VPS18: variants seen among roughly 807,000 people sequenced by gnomAD.
VPS18 encodes VPS18 core subunit of CORVET and HOPS complexes.
Under a neutral mutation model 82.0 loss-of-function variants are expected in VPS18, and 25 were observed. The observed-to-expected ratio is 0.30, with a 90% CI of 0.22 to 0.43. The LOEUF is 0.43. Ranked by LOEUF, VPS18 falls within the 20% of genes least tolerant of loss-of-function variation. VPS18 has a pLI of 1.00. For missense variants in VPS18, 1,168 were observed against 1,311.1 expected (o/e 0.89, Z 1.69); for synonymous variants, 523 against 543.0 (o/e 0.96, Z 0.51).
chr15:40,898,565 G>GTATCATCAAAAAA, intron 2 of VPS18: 1 of 335,580 alleles, frequency 3.0e-6, no homozygotes, highest in Non-Finnish European at 5.7e-6. Context: ...TCTGCCTCCC[G>GTATCATCAAAAAA]GGCTCAGGTG....
rs995268685 is a variant in VPS18 at position 40,899,079 on chromosome 15, G to T, written c.326-65G>T. On this transcript the variant is annotated intron_variant, in intron 3 of 4. Coordinates refer to ENST00000220509, the MANE Select transcript of VPS18 (RefSeq NM_020857.3). This position sits in a 1 kb window ranked among gnomAD's most constrained non-coding sequence, Gnocchi z 4.4. ...GGTGGGCTCTGAGGGTGGTGTGGGG[G>T]CCAGGAGGAGGCTGAGGATGGGAAC... is the stretch of plus-strand genomic sequence containing the variant. 1.9e-6 allele frequency: 3 copies of T among 1,604,872 alleles called. No homozygotes were observed. The highest frequency in any genetic ancestry group is 1.7e-5 in the Admixed American group (1 of 59,792).
In VPS18 at chr15:40,894,761, C is replaced by T. The variant is rs1291034854; in HGVS notation, c.-8C>T. On this transcript the variant is annotated 5_prime_UTR_variant, in exon 1 of 5. Transcript: ENST00000220509. Reference sequence around the variant, plus strand: ...GGCCCCGGACAAAGAGCCCAGAGGCCGGGCACCATGGCGTCCATCCTGGAT... The same window carrying T: ...GGCCCCGGACAAAGAGCCCAGAGGCTGGGCACCATGGCGTCCATCCTGGAT... 3.2e-6 allele frequency: 5 copies of T among 1,546,134 alleles called. No homozygotes were observed. Among genetic ancestry groups the T allele is most frequent in the Non-Finnish European group, 4.4e-6 (5 of 1,144,426 alleles).
intron 4 of VPS18, 107 bp downstream of exon 4, chr15:40,901,121 G>A: frequency 8.6e-7 from 1 of 1,167,560 alleles, no homozygotes; most frequent in Non-Finnish European, 1.2e-6. Context: ...GGCTTCCCTT[G>A]CAGAGAGGGA....
rs79536497 is a variant in VPS18, at chr15:40,900,342, C to G, written c.1524C>G (p.Gly508=). Residue 508 remains glycine (G), a synonymous_variant, in exon 4 of 5, where the codon GGC becomes GGG. Coordinates refer to ENST00000220509, the MANE Select transcript of VPS18 (RefSeq NM_020857.3). This position sits in a 1 kb window ranked among gnomAD's most constrained non-coding sequence, Gnocchi z 5.4. The stretch of plus-strand genomic sequence containing the variant: ...TGAGCCGGCTTGGGGCTCTGCAGGG[C>G]GACCCAGAGGCCCTGACTCTCTACC... The part of the protein sequence containing the change: ...LYLSRLGALQ[G]DPEALTLYRE... The G allele has an allele frequency of 6.2e-7, 1 of 1,613,592 alleles. No homozygotes were observed. The highest frequency in any genetic ancestry group is 2.2e-5 in the East Asian group (1 of 44,870).
chr15:40,901,118 C>A, intron 4 of VPS18, 104 bp downstream of exon 4: 1 of 1,257,894 alleles, frequency 7.9e-7, no homozygotes, highest in African/African-American at 1.5e-5. Context: ...GCTGGCTTCC[C>A]TTGCAGAGAG....
intron 2 of VPS18, 129 bp from the exon 3 acceptor site, chr15:40,898,778 C>A: frequency 9.7e-7 from 1 of 1,031,148 alleles, no homozygotes; most frequent in Non-Finnish European, 1.4e-6. Flanking sequence ...GGCCTGTATT[C>A]AGCATTTTAT....
rs1475603424 is a variant in VPS18 at position 40,894,667 on chromosome 15, G to T, written c.-102G>T. The T allele has an allele frequency of 4.5e-6, 5 of 1,122,798 alleles. No homozygotes were observed. Among genetic ancestry groups the T allele is most frequent in the Non-Finnish European group, 6.2e-6 (5 of 806,328 alleles). The allele number at this position is 1,122,798 out of a possible 1,614,324, so 69.6% of individuals were successfully genotyped here. ...TGCAGGTTCCCAGGATCTGTCAGAG[G>T]CTGGGGAGTTACAGCTTCCATTCTG... On this transcript the variant is annotated 5_prime_UTR_variant, in exon 1 of 5. Transcript: ENST00000220509.
intron 1 of VPS18, 51 bp downstream of exon 1, chr15:40,894,910 G>A (rs1335145446): frequency 1.3e-6 from 2 of 1,516,534 alleles, no homozygotes; most frequent in South Asian, 1.2e-5. Flanking sequence ...TAGCATTTGC[G>A]TGGGAGCAGC....
rs1404450280 is a variant in VPS18 at position 40,898,992 on chromosome 15, C to T, written c.319C>T (p.His107Tyr). Reference sequence around the variant, plus strand: ...AAAAGTTCACAAGATGTTCCTTGACCATACTGGTAAGTAACAGTGGAGATC... The same window carrying T: ...AAAAGTTCACAAGATGTTCCTTGACTATACTGGTAAGTAACAGTGGAGATC... ...DAKVHKMFLD[H>Y]TGSHLLIALS... Residue 107 changes from histidine to tyrosine, a missense_variant, in exon 3 of 5, where the codon CAT (histidine) becomes TAT (tyrosine). This residue lies in a region of VPS18 where 868 missense variants were observed against 939.8 expected (regional missense o/e 0.92). Coordinates refer to ENST00000220509, the MANE Select transcript of VPS18 (RefSeq NM_020857.3). 1.2e-6 allele frequency: 2 copies of T among 1,613,928 alleles called. No homozygotes were observed. Among genetic ancestry groups the T allele is most frequent in the Non-Finnish European group, 8.5e-7 (1 of 1,180,004 alleles).
In VPS18 at chr15:40,903,154, C is replaced by G. The variant is rs902465107; in HGVS notation, c.2735C>G (p.Ser912Cys). 2 of 1,606,128 alleles carry G rather than the reference C, an allele frequency of 1.2e-6. No individual in the cohort carries two copies. The highest frequency in any genetic ancestry group is 1.3e-5 in the African/African-American group (1 of 74,880). The change falls in exon 5 of 5, where the codon TCT (serine) becomes TGT (cysteine). Residue 912 changes from serine to cysteine, a missense_variant. Coordinates refer to ENST00000220509, the MANE Select transcript of VPS18 (RefSeq NM_020857.3). The stretch of plus-strand genomic sequence containing the variant: ...GCTGCTCCACCCCCAGCCAAGGGCT[C>G]TGCCCGGGCCAAGGAGGCCGAGGGT... The part of the protein sequence containing the change: ...LGAAPPPAKG[S>C]ARAKEAEGGA...
At chr15:40,895,907 A>G in intron 1 of VPS18, 31 bp from the exon 2 acceptor site, 3 of 1,613,654 alleles carry the variant, frequency 1.9e-6, no homozygotes, top group Non-Finnish European at 2.5e-6. Flanking sequence ...TCTCTTCCAC[A>G]GCTAATCTTC....
At position 40,894,767 on chromosome 15, in the gene VPS18, C is replaced by A; in HGVS notation, c.-2C>A. 1 of 1,547,826 alleles carries A rather than the reference C, an allele frequency of 6.5e-7. No individual in the cohort carries two copies. Among genetic ancestry groups the A allele is most frequent in the Non-Finnish European group, 8.7e-7 (1 of 1,145,262 alleles). Reference sequence around the variant, plus strand: ...GGACAAAGAGCCCAGAGGCCGGGCACCATGGCGTCCATCCTGGATGAGTAC... The same window carrying A: ...GGACAAAGAGCCCAGAGGCCGGGCAACATGGCGTCCATCCTGGATGAGTAC... On this transcript the variant is annotated 5_prime_UTR_variant, in exon 1 of 5. Coordinates refer to ENST00000220509, the MANE Select transcript of VPS18 (RefSeq NM_020857.3).
chr15:40,898,666 T>A (rs1390452262), intron 2 of VPS18: 5 of 543,248 alleles, frequency 9.2e-6, no homozygotes, highest in African/African-American at 1.9e-5. Context: ...AGAGATGGGA[T>A]TTCGCCATGT....
chr15:40,899,667 C>T lies in VPS18; in HGVS notation c.849C>T (p.Ala283=). 6.2e-7 allele frequency: 1 copy of T among 1,613,766 alleles called. No homozygotes were observed. Among genetic ancestry groups the T allele is most frequent in the Non-Finnish European group, 8.5e-7 (1 of 1,180,034 alleles). Residue 283 remains alanine (A), a synonymous_variant, in exon 4 of 5, where the codon GCC becomes GCT. Coordinates refer to ENST00000220509, the MANE Select transcript of VPS18 (RefSeq NM_020857.3). The surrounding 1 kb of genome is among the most constrained non-coding windows in gnomAD (Gnocchi z 4.4). The part of the protein sequence containing the change: ...YTPKLRSAPR[A]FAWMMGDGVL... The stretch of plus-strand genomic sequence containing the variant: ...CCAAGCTGCGCTCCGCACCCCGGGC[C>T]TTCGCCTGGATGATGGGGGATGGTG...
At chr15:40,896,266 T>A (rs1596173560) in intron 2 of VPS18, among the ~76,000 whole-genome samples, 187 bp downstream of exon 2, 1 of 152,174 alleles carries the variant, frequency 6.6e-6, no homozygotes, top group Non-Finnish European at 1.5e-5. Flanking sequence ...TGGCAGGGCA[T>A]GGTGGCTCAC....
Position 40,899,225 on chromosome 15 carries a change from G to A in VPS18, c.407G>A (p.Arg136His). ...GGACAGAAGGTACGGCCACTAGCACGCTGGAAGGGGCAGCTGGTGGAGAGT... is the reference window on the plus strand; with the variant it reads ...GGACAGAAGGTACGGCCACTAGCACACTGGAAGGGGCAGCTGGTGGAGAGT... ...RNGQKVRPLA[R>H]WKGQLVESVG... Residue 136 changes from arginine (R) to histidine (H), a missense_variant, in exon 4 of 5, where the codon CGC (arginine) becomes CAC (histidine). By Grantham distance (29) the Arg-to-His change is conservative (BLOSUM62 0). This residue lies in a region of VPS18 where 868 missense variants were observed against 939.8 expected (regional missense o/e 0.92). Transcript: ENST00000220509. The surrounding 1 kb of genome is among the most constrained non-coding windows in gnomAD (Gnocchi z 4.4). 2 of 1,614,238 alleles carry A rather than the reference G, an allele frequency of 1.2e-6. No homozygotes were observed. Among genetic ancestry groups the A allele is most frequent in the Non-Finnish European group, 1.7e-6 (2 of 1,180,050 alleles).
chr15:40,899,247 G>A lies in VPS18; in HGVS notation c.429G>A (p.Glu143=). ...PLARWKGQLV[E]SVGWNKALGT... ...CACGCTGGAAGGGGCAGCTGGTGGAGAGTGTGGGTTGGAACAAGGCACTGG... is the reference window on the plus strand; with the variant it reads ...CACGCTGGAAGGGGCAGCTGGTGGAAAGTGTGGGTTGGAACAAGGCACTGG... Residue 143 remains glutamate, a synonymous_variant, in exon 4 of 5, where the codon GAG becomes GAA. Coordinates refer to ENST00000220509, the MANE Select transcript of VPS18 (RefSeq NM_020857.3). The surrounding 1 kb of genome is among the most constrained non-coding windows in gnomAD (Gnocchi z 4.4). 1 of 1,614,256 alleles carries A rather than the reference G, an allele frequency of 6.2e-7. No homozygotes were observed. The highest frequency in any genetic ancestry group is 1.1e-5 in the South Asian group (1 of 91,084).
Position 40,903,424 on chromosome 15 carries a change from T to A in VPS18, c.*83T>A. On this transcript the variant is annotated 3_prime_UTR_variant, in exon 5 of 5. Transcript: ENST00000220509. ...GAGAAGGCTGCCTCCTAGGCTCTGC[T>A]CAGTCATCTTGCAATTGCCACACTG... is the stretch of plus-strand genomic sequence containing the variant. The A allele has an allele frequency of 2.7e-6, 4 of 1,490,866 alleles. No homozygotes were observed. Among genetic ancestry groups the A allele is most frequent in the Non-Finnish European group, 3.6e-6 (4 of 1,121,534 alleles). The allele number at this position is 1,490,866 out of a possible 1,614,324, so 92.4% of individuals were successfully genotyped here.
Position 40,903,085 on chromosome 15 carries a change from C to G in VPS18, c.2666C>G (p.Ala889Gly). Residue 889 changes from alanine to glycine, a missense_variant, in exon 5 of 5, where the codon GCC (alanine) becomes GGC (glycine). Coordinates refer to ENST00000220509, the MANE Select transcript of VPS18 (RefSeq NM_020857.3). Reference protein sequence around the residue: ...LLQAVRPGLPAYKQARLEELQ... With the variant: ...LLQAVRPGLPGYKQARLEELQ... Reference sequence around the variant, plus strand: ...CAGGCTGTGCGACCTGGCCTGCCAGCCTACAAGCAGGCCCGGCTGGAGGAG... The same window carrying G: ...CAGGCTGTGCGACCTGGCCTGCCAGGCTACAAGCAGGCCCGGCTGGAGGAG... The G allele has an allele frequency of 6.2e-7, 1 of 1,613,924 alleles. No homozygotes were observed. Among genetic ancestry groups the G allele is most frequent in the South Asian group, 1.1e-5 (1 of 91,074 alleles).
Sources: gnomAD v4.1 joint callset for allele counts (sites outside exome capture counted in the v4.1 genomes callset) on GRCh38, gnomAD v4.1.1 for gene constraint, gnomAD v4.1.1 regional missense constraint, Gnocchi (gnomAD v3.1) non-coding constraint, MANE v1.5 for transcripts, NCBI Gene and HGNC (gene_info 2026-07-23, HGNC 2026-07-21) for gene names.